TAF1D: variants seen among roughly 807,000 people sequenced by gnomAD.
TAF1D encodes TATA-box binding protein associated factor, RNA polymerase I subunit D.
TAF1D carries 23 observed loss-of-function variants against 26.2 expected under a neutral mutation model. That is an observed-to-expected ratio of 0.88 (90% CI 0.63 to 1.25). The LOEUF is 1.25. Ranked by LOEUF, TAF1D falls within the 50% of genes most tolerant of loss-of-function variation. The pLI, the probability that TAF1D is intolerant of heterozygous loss-of-function variation, is 0.00. For missense variants in TAF1D, 299 were observed against 322.0 expected (o/e 0.93, Z 0.55); for synonymous variants, 100 against 105.6 (o/e 0.95, Z 0.33).
rs1388006200 is a variant in TAF1D at position 93,741,333 on chromosome 11, T to A, written c.-39A>T. On this transcript the variant is annotated 5_prime_UTR_variant, in exon 1 of 6. Transcript: ENST00000448108. ...TCTTAGCAACCTACCTAAAACGGCC[T>A]CGCAGTGGCCCCAACCGCGCACTTG... 1.1e-5 allele frequency: 5 copies of A among 456,084 alleles called. No individual in the cohort carries two copies. Among genetic ancestry groups the A allele is most frequent in the African/African-American group, 1.0e-4 (5 of 50,060 alleles). 28.3% of individuals were successfully genotyped at this position (456,084 alleles called of 1,614,324 possible).
rs1941191380 is a variant in TAF1D, at chr11:93,738,502, A to G, written c.69-3T>C. The G allele has an allele frequency of 6.4e-7, 1 of 1,552,916 alleles. No homozygotes were observed. Among genetic ancestry groups the G allele is most frequent in the Non-Finnish European group, 8.7e-7 (1 of 1,155,384 alleles). On this transcript the variant is annotated splice_polypyrimidine_tract_variant and splice_region_variant and intron_variant, in intron 2 of 5. Coordinates refer to ENST00000448108, the MANE Select transcript of TAF1D (RefSeq NM_024116.4). The stretch of plus-strand genomic sequence containing the variant: ...AGCTGCTATCAGAAGAGTTATCACT[A>G]GAAAAATGGGAAAAAAATTAATTTC...
At chr11:93,733,917 A>T (rs1457640449), downstream of TAF1D, 3 of 152,796 alleles carry the variant, frequency 2.0e-5, no homozygotes, top group Non-Finnish European at 2.9e-5. Flanking sequence ...CAACTGCAGA[A>T]ACTTCCTACT....
chr11:93,736,631 TC>T, intron 5 of TAF1D, 62 bp downstream of exon 5: 1 of 1,575,078 alleles, frequency 6.3e-7, no homozygotes, highest in Admixed American at 2.0e-5. Context: ...TAAATATAAT[TC>T]CTTCTGTATC....
At chr11:93,733,152 AG>A (rs1012837276), downstream of TAF1D, 5 of 494,628 alleles carry the variant, frequency 1.0e-5, no homozygotes, top group Admixed American at 1.1e-4. Flanking sequence ...AGATTTAGAA[AG>A]GATACATTTC....
rs756558913 is a variant in TAF1D, at chr11:93,738,196, TTTC to T, written c.369_371del (p.Lys124del). The T allele has an allele frequency of 6.3e-6, 10 of 1,593,784 alleles. No homozygotes were observed. The highest frequency in any genetic ancestry group is 2.2e-5 in the East Asian group (1 of 44,468). On this transcript the variant is annotated inframe_deletion, in exon 3 of 6. Coordinates refer to ENST00000448108, the MANE Select transcript of TAF1D (RefSeq NM_024116.4). ...AGCCAGATCCTCTGCTTCTAAATTG[TTTC>T]TTCTTATCTATTAGTGAGTATATAG...
rs1194942997 is a variant in TAF1D, at chr11:93,738,489, AAG to A, written c.77_78del (p.Ser26PhefsTer2). On this transcript the variant is annotated frameshift_variant, in exon 3 of 6. Coordinates refer to ENST00000448108, the MANE Select transcript of TAF1D (RefSeq NM_024116.4). LOFTEE classifies it high-confidence loss of function. ...AVELANRSDNSSDSSLFKTQC... is the reference protein window; with the variant it reads ...AVELANRSDNXSDSSLFKTQC... ...TGAGTTTTAAATAAGCTGCTATCAG[AAG>A]AGTTATCACTAGAAAAATGGGAAAA... The A allele has an allele frequency of 1.3e-6, 2 of 1,569,532 alleles. No individual in the cohort carries two copies. Among genetic ancestry groups the A allele is most frequent in the South Asian group, 1.2e-5 (1 of 83,856 alleles).
At position 93,736,242 on chromosome 11, in the gene TAF1D, CTCTTCT is replaced by C; in HGVS notation, c.750_755del (p.Glu251_Glu252del). Reference sequence around the variant, plus strand: ...ACAAAGCAGCTTCTTCAGTAATATCCTCTTCTTCTAAGTATACACTCAGTCTTACAG... The same window carrying C: ...ACAAAGCAGCTTCTTCAGTAATATCCTCTAAGTATACACTCAGTCTTACAG... On this transcript the variant is annotated inframe_deletion, in exon 6 of 6. Transcript: ENST00000448108. 6.2e-7 allele frequency: 1 copy of C among 1,613,324 alleles called. No homozygotes were observed. The highest frequency in any genetic ancestry group is 8.5e-7 in the Non-Finnish European group (1 of 1,179,760).
downstream of TAF1D, chr11:93,732,316 A>G: frequency 1.9e-6 from 1 of 514,578 alleles, no homozygotes; most frequent in Non-Finnish European, 3.9e-6. Flanking sequence ...ATTGCTTACT[A>G]TTTTAGAGTA....
rs759166296 is a variant in TAF1D at position 93,736,175 on chromosome 11, C to T, written c.823G>A (p.Gly275Ser). ...ATKAKNTGQR[G>S]LKM ...TCATGATCCTGTCACATTTTCAGGC[C>T]TCTCTGTCCAGTATTTTTGGCTTTT... Residue 275 changes from glycine to serine, a missense_variant, in exon 6 of 6, where the codon GGC becomes AGC. Transcript: ENST00000448108. 8.1e-6 allele frequency: 13 copies of T among 1,613,310 alleles called. No individual in the cohort carries two copies. The highest frequency in any genetic ancestry group is 4.0e-5 in the African/African-American group (3 of 74,878).
downstream of TAF1D, chr11:93,730,791 G>A (rs771907885): frequency 7.5e-5 from 31 of 413,528 alleles, no homozygotes; most frequent in Non-Finnish European, 1.3e-4. Flanking sequence ...TGAGTCCCTA[G>A]AACGAGCCTG....
Position 93,738,142 on chromosome 11 carries a change from T to G in TAF1D, c.426A>C (p.Lys142Asn). 6.4e-7 allele frequency: 1 copy of G among 1,564,636 alleles called. No homozygotes were observed. Among genetic ancestry groups the G allele is most frequent in the Admixed American group, 2.2e-5 (1 of 44,920 alleles). ...TTAAAATTTTTCTCCAAGGTGCGTT[T>G]TTTTCATTCTCTGATTCTAAAAATG... ...GFPFLESENE[K>N]NAPWRKILTF... Residue 142 changes from lysine to asparagine, a missense_variant, in exon 3 of 6, where the codon AAA becomes AAC. Coordinates refer to ENST00000448108, the MANE Select transcript of TAF1D (RefSeq NM_024116.4).
At chr11:93,737,341 G>A (rs1941009404) in intron 3 of TAF1D, 102 bp from the exon 4 acceptor site, 1 of 723,568 alleles carries the variant, frequency 1.4e-6, no homozygotes. Flanking sequence ...CAAAGACTCT[G>A]AATTTGCTAT....
At chr11:93,740,495 A>C (rs1430576822) in intron 1 of TAF1D, among the ~76,000 whole-genome samples, 2 of 145,742 alleles carry the variant, frequency 1.4e-5, no homozygotes, top group Non-Finnish European at 1.5e-5. Flanking sequence ...AAAGATAACT[A>C]CTTATTTCAT....
chr11:93,735,431 C>A, downstream of TAF1D: 1 of 715,204 alleles, frequency 1.4e-6, no homozygotes, highest in Non-Finnish European at 1.8e-6. Flanking sequence ...ACCTATAATC[C>A]CAGCATTTTG....
Position 93,735,715 on chromosome 11 carries a change from G to A in TAF1D, c.*446C>T. 2 of 1,014,066 alleles carry A rather than the reference G, an allele frequency of 2.0e-6. No homozygotes were observed. The highest frequency in any genetic ancestry group is 2.4e-6 in the Non-Finnish European group (2 of 847,992). The allele number at this position is 1,014,066 out of a possible 1,614,324, so 62.8% of individuals were successfully genotyped here. A position where few individuals can be genotyped will look rare whatever the true frequency, so the allele number is the denominator to read the frequency against. ...CTCTAAATTTGGAAAGGGAAATGAG[G>A]TTATTACAATACTAAGCATCTGACA... On this transcript the variant is annotated 3_prime_UTR_variant, in exon 6 of 6. Coordinates refer to ENST00000448108, the MANE Select transcript of TAF1D (RefSeq NM_024116.4).
Position 93,737,044 on chromosome 11 carries a change from T to C in TAF1D, c.635+20A>G, listed in dbSNP as rs761960188. 2 of 1,554,800 alleles carry C rather than the reference T, an allele frequency of 1.3e-6. No individual in the cohort carries two copies. The highest frequency in any genetic ancestry group is 2.3e-5 in the East Asian group (1 of 44,016). On this transcript the variant is annotated intron_variant, in intron 4 of 5. Coordinates refer to ENST00000448108, the MANE Select transcript of TAF1D (RefSeq NM_024116.4). ...TAATTTATAACCTATTACCAAAGTA[T>C]TTCATATGATTCCACTTACGTTGAC... is the stretch of plus-strand genomic sequence containing the variant.
chr11:93,736,582 A>G, intron 5 of TAF1D, 112 bp downstream of exon 5: 1 of 1,476,996 alleles, frequency 6.8e-7, no homozygotes, highest in Non-Finnish European at 8.9e-7. Context: ...GTAAACTTAT[A>G]GAGCTTTTCA....
chr11:93,733,353 A>G, downstream of TAF1D: 1 of 519,034 alleles, frequency 1.9e-6, no homozygotes, highest in Non-Finnish European at 3.8e-6. Context: ...AACTTACCTA[A>G]GCGATCACTC....
At chr11:93,737,544 TAAGAGATTAACTG>T (rs1308996849) in intron 3 of TAF1D, among the ~76,000 whole-genome samples, 3 of 152,170 alleles carry the variant, frequency 2.0e-5, no homozygotes, top group Admixed American at 1.3e-4. Flanking sequence ...ACCTTAAACT[TAAGAGATTAACTG>T]AAGAGATTAA....
Sources: allele counts gnomAD v4.1 joint callset (sites outside exome capture counted in the v4.1 genomes callset), GRCh38; gene constraint gnomAD v4.1.1; transcripts MANE v1.5; gene names NCBI Gene and HGNC (gene_info 2026-07-23, HGNC 2026-07-21).